The following PDS5A variants were observed in gnomAD, a reference collection of about 807,000 sequenced individuals.
PDS5A encodes PDS5 cohesin associated factor A, also known as sister chromatid cohesion protein PDS5 homolog A.
In PDS5A, 42 loss-of-function variants were observed where a neutral mutation model predicts 167.1. That is an observed-to-expected ratio of 0.25 (90% CI 0.20 to 0.33). The LOEUF (loss-of-function observed/expected upper bound fraction) is 0.33, where lower values mean the gene tolerates loss of function less well. Ranked by LOEUF, PDS5A falls within the 10% of genes least tolerant of loss-of-function variation. PDS5A has a pLI of 1.00. For synonymous variants in PDS5A, 553 were observed against 554.6 expected (o/e 1.00, Z 0.04); for missense variants, 1,033 against 1,605.9 (o/e 0.64, Z 6.10).
intron 21 of PDS5A, among the ~76,000 whole-genome samples, chr4:39,870,623 T>A (rs1411387868): frequency 1.4e-4 from 21 of 150,590 alleles, no homozygotes; most frequent in Admixed American, 1.3e-3. Context: ...AAAATAAGAG[T>A]GGGGTGGGGG....
chr4:39,832,512 T>A lies in PDS5A; in HGVS notation c.4010+5344A>T, dbSNP rs549693740. ...ATGAGCCACCGTTCCTGGCTCAAAA[T>A]TTTTTTTTTGCACCAAAATAAACTC... is the stretch of plus-strand genomic sequence containing the variant. On this transcript the variant is annotated intron_variant, in intron 32 of 32. Coordinates refer to ENST00000303538, the MANE Select transcript of PDS5A (RefSeq NM_001100399.2). Among the ~76,000 whole-genome samples, 65 of 150,458 alleles carry A rather than the reference T, an allele frequency of 4.3e-4. No homozygotes were observed. In the South Asian group the frequency reaches 0.012, roughly 27 times the overall value.
At chr4:39,973,921 C>G in intron 2 of PDS5A, 1 of 604,960 alleles carries the variant, frequency 1.7e-6, no homozygotes, top group East Asian at 3.1e-5. Flanking sequence ...GTCAGGAGAT[C>G]GAGACCATCC....
intron 2 of PDS5A, among the ~76,000 whole-genome samples, chr4:39,972,128 T>C (rs17585861): frequency 0.05 from 7,550 of 152,296 alleles, 296 homozygotes; most frequent in East Asian, 0.23. Flanking sequence ...CTGGATTGTA[T>C]GTCCATTTAT....
At chr4:39,832,716 A>G (rs761321436) in intron 32 of PDS5A, among the ~76,000 whole-genome samples, 5 of 152,128 alleles carry the variant, frequency 3.3e-5, no homozygotes, top group Non-Finnish European at 7.4e-5. Context: ...TTAGCCAGCC[A>G]TGGTGGTGCA....
At chr4:39,858,068 T>C (rs1366926506) in intron 26 of PDS5A, among the ~76,000 whole-genome samples, 1 of 151,918 alleles carries the variant, frequency 6.6e-6, no homozygotes, top group Non-Finnish European at 1.5e-5. Context: ...AATGAATACA[T>C]AAATAAAATA....
intron 11 of PDS5A, 121 bp from the exon 12 acceptor site, chr4:39,904,312 ATTTCTC>A (rs1723125647): frequency 5.9e-6 from 3 of 509,492 alleles, no homozygotes; most frequent in Non-Finnish European, 3.3e-6. Flanking sequence ...CTGGCACACT[ATTTCTC>A]TTCAAAAGAG....
In PDS5A at chr4:39,837,931, C is replaced by T. The variant is rs1208299991; in HGVS notation, c.3935G>A (p.Gly1312Asp). ...GQESPGGLEA[G>D]NAKAPKLQDL... Reference sequence around the variant, plus strand: ...TTGCAGTTTGGGTGCTTTGGCATTACCTGCTTCCAAACCCCCAGGGCTCTC... The same window carrying T: ...TTGCAGTTTGGGTGCTTTGGCATTATCTGCTTCCAAACCCCCAGGGCTCTC... Residue 1312 changes from glycine (G) to aspartate (D), a missense_variant, in exon 32 of 33, where the codon GGT becomes GAT. Physicochemically the swap from Gly to Asp is moderately conservative, Grantham distance 94. This residue lies in a region of PDS5A where 233 missense variants were observed against 264.0 expected (regional missense o/e 0.88). Transcript: ENST00000303538. 5.6e-6 allele frequency: 9 copies of T among 1,613,860 alleles called. No homozygotes were observed. The highest frequency in any genetic ancestry group is 3.3e-5 in the Admixed American group (2 of 60,000).
rs780427681 is a variant in PDS5A at position 39,917,194 on chromosome 4, A to T, written c.736-6T>A. 5 of 1,527,644 alleles carry T rather than the reference A, an allele frequency of 3.3e-6. No individual in the cohort carries two copies. The highest frequency in any genetic ancestry group is 2.4e-5 in the East Asian group (1 of 40,874). The allele number at this position is 1,527,644 out of a possible 1,614,324, so 94.6% of individuals were successfully genotyped here. A position where few individuals can be genotyped will look rare whatever the true frequency, so the allele number is the denominator to read the frequency against. Reference sequence around the variant, plus strand: ...ACCAGGACTTGATTGAAAAACTGTAAGAGATATTAAAAACAAAAAGAAAAC... The same window carrying T: ...ACCAGGACTTGATTGAAAAACTGTATGAGATATTAAAAACAAAAAGAAAAC... On this transcript the variant is annotated splice_region_variant and splice_polypyrimidine_tract_variant and intron_variant, in intron 7 of 32. Coordinates refer to ENST00000303538, the MANE Select transcript of PDS5A (RefSeq NM_001100399.2).
intron 31 of PDS5A, 23 bp from the exon 32 acceptor site, chr4:39,838,231 T>G (rs767456073): frequency 6.4e-6 from 9 of 1,414,860 alleles, no homozygotes; most frequent in Non-Finnish European, 7.6e-6. Flanking sequence ...AAAACAATTC[T>G]ATAAACACAA....
At chr4:39,873,187 A>G (rs901165808) in intron 20 of PDS5A, 43 bp from the exon 21 acceptor site, 8 of 1,231,848 alleles carry the variant, frequency 6.5e-6, no homozygotes, top group Non-Finnish European at 8.9e-6. Context: ...TGTTTGATAA[A>G]TATCTAGACA....
rs201320836 is a variant in PDS5A, at chr4:39,842,903, CTATTTTTATATATATATATATATA to C, written c.3549-871_3549-848del. On this transcript the variant is annotated intron_variant, in intron 30 of 32. Transcript: ENST00000303538. ...AATGTTAGAACAATGTAAACTTATC[CTATTTTTATATATATATATATATA>C]TATATATATATTTTAAGAGACAGGG... is the stretch of plus-strand genomic sequence containing the variant. Among the ~76,000 whole-genome samples the C allele has an allele frequency of 4.7e-3, 112 of 23,992 alleles. 8 individuals carry two copies. In the East Asian group the frequency reaches 0.11, roughly 24 times the overall value. The allele number at this position is 23,992 out of a possible 152,430, so 15.7% of individuals were successfully genotyped here.
chr4:39,862,933 T>C lies in PDS5A; in HGVS notation c.2907A>G (p.Arg969=), dbSNP rs781254694. Residue 969 remains arginine, a synonymous_variant, in exon 25 of 33, where the codon CGA becomes CGG. Coordinates refer to ENST00000303538, the MANE Select transcript of PDS5A (RefSeq NM_001100399.2). ...DPVKERRAHA[R]QCLLKNISIR... ...TACTGATATTTTTCAGTAAACATTG[T>C]CGTGCGTGTGCTCTTCTCTCCTTCA... is the stretch of plus-strand genomic sequence containing the variant. 30 of 1,613,300 alleles carry C rather than the reference T, an allele frequency of 1.9e-5. No homozygotes were observed. The highest frequency in any genetic ancestry group is 2.3e-5 in the Non-Finnish European group (27 of 1,179,818).
chr4:39,877,613 A>C (rs555593893), intron 18 of PDS5A, among the ~76,000 whole-genome samples: 3 of 152,258 alleles, frequency 2.0e-5, no homozygotes, highest in Admixed American at 2.0e-4. Flanking sequence ...ACTGGCAAAA[A>C]GATAATCTAT....
intron 15 of PDS5A, 35 bp from the exon 16 acceptor site, chr4:39,898,563 G>GAA (rs533091119): frequency 8.9e-4 from 913 of 1,022,232 alleles, no homozygotes; most frequent in South Asian, 1.9e-3. Context: ...ATTAGAGAAG[G>GAA]AAAAAAAAAA....
intron 9 of PDS5A, among the ~76,000 whole-genome samples, chr4:39,911,754 C>T (rs907367544): frequency 2.0e-5 from 3 of 150,782 alleles, no homozygotes; most frequent in Admixed American, 6.6e-5. Context: ...ATGGCATGAA[C>T]CCGGGAGGCG....
intron 2 of PDS5A, among the ~76,000 whole-genome samples, chr4:39,930,395 T>C (rs1293076940): frequency 6.6e-6 from 1 of 151,426 alleles, no homozygotes; most frequent in South Asian, 2.1e-4. Context: ...GCCTGGGCTA[T>C]TGAGTATTTT....
At chr4:39,863,227 TA>T in intron 24 of PDS5A, 108 bp downstream of exon 24, 1 of 929,988 alleles carries the variant, frequency 1.1e-6, no homozygotes, top group Non-Finnish European at 1.6e-6. Flanking sequence ...GTAATAATAG[TA>T]GTGACTTTTG....
intron 31 of PDS5A, among the ~76,000 whole-genome samples, chr4:39,841,057 G>C (rs1716960471): frequency 6.6e-6 from 1 of 151,700 alleles, no homozygotes; most frequent in African/African-American, 2.4e-5. Flanking sequence ...ACCCAGCCAA[G>C]ATGAACTTTT....
intron 32 of PDS5A, among the ~76,000 whole-genome samples, chr4:39,828,654 A>T (rs898539717): frequency 6.6e-6 from 1 of 152,224 alleles, no homozygotes; most frequent in Non-Finnish European, 1.5e-5. Flanking sequence ...CTAATTAATG[A>T]TAATAAAATA....
Sources: allele counts gnomAD v4.1 joint callset (sites outside exome capture counted in the v4.1 genomes callset), GRCh38; gene constraint gnomAD v4.1.1; regional missense constraint gnomAD v4.1.1; transcripts MANE v1.5; gene names NCBI Gene and HGNC (gene_info 2026-07-23, HGNC 2026-07-21).